The following DISC1 variants were observed in gnomAD, a reference collection of about 807,000 sequenced individuals.
The protein encoded by DISC1 is DISC1 scaffold protein, also known as disrupted in schizophrenia 1 protein.
A neutral mutation model predicts 84.5 loss-of-function variants in DISC1; 57 were observed. That is an observed-to-expected ratio of 0.67 (90% CI 0.55 to 0.84). The LOEUF (loss-of-function observed/expected upper bound fraction) is 0.84. Among genes scored for constraint, DISC1 ranks in the 40% least tolerant of loss-of-function variants. The pLI is 0.00. For synonymous variants in DISC1, 411 were observed against 415.2 expected (o/e 0.99, Z 0.12); for missense variants, 1,000 against 1,057.8 (o/e 0.95, Z 0.76).
At chr1:231,722,233 A>G (rs1202066970) in intron 3 of DISC1, among the ~76,000 whole-genome samples, 1 of 152,114 alleles carries the variant, frequency 6.6e-6, no homozygotes. Context: ...GTTGAGAGAA[A>G]GGAAGAGATT....
At chr1:231,832,840 C>T (rs2082341096) in intron 9 of DISC1, among the ~76,000 whole-genome samples, 1 of 147,974 alleles carries the variant, frequency 6.8e-6, no homozygotes, top group South Asian at 2.2e-4. Context: ...GGTTCTAGGA[C>T]AGGTAAAATG....
chr1:231,694,361 C>T lies in DISC1; in HGVS notation c.603C>T (p.Gly201=), dbSNP rs769613668. 2.2e-5 allele frequency: 36 copies of T among 1,614,130 alleles called. No homozygotes were observed. The highest frequency in any genetic ancestry group is 3.1e-5 in the Non-Finnish European group (36 of 1,180,042). Residue 201 remains glycine, a synonymous_variant, in exon 2 of 13, where the codon GGC becomes GGT. Coordinates refer to ENST00000439617, the MANE Select transcript of DISC1 (RefSeq NM_018662.3). ...CTGAGGTCCCCCCAACCCCTCCTGGCTCTCACAGTGCCTTTACCTCAAGCT... is the reference window on the plus strand; with the variant it reads ...CTGAGGTCCCCCCAACCCCTCCTGGTTCTCACAGTGCCTTTACCTCAAGCT... ...CGPEVPPTPP[G]SHSAFTSSFS... is the part of the protein sequence containing the mutation.
chr1:231,834,580 G>A (rs575254261), intron 9 of DISC1, among the ~76,000 whole-genome samples: 32 of 152,248 alleles, frequency 2.1e-4, no homozygotes, highest in Non-Finnish European at 3.7e-4. Flanking sequence ...GGGGTCAAGC[G>A]GCATCGCAGA....
In DISC1 at chr1:231,949,271, C is replaced by T. The variant is rs79866246; in HGVS notation, c.1982-9557C>T. ...TGTGTGTGTCTTACTAGCCGGGGCA[C>T]GTTGTCTTAGCATCTTTGGCCTCTA... is the stretch of plus-strand genomic sequence containing the variant. On this transcript the variant is annotated intron_variant, in intron 9 of 12. Transcript: ENST00000439617. Among the ~76,000 whole-genome samples, 414 of 152,232 alleles carry T rather than the reference C, an allele frequency of 2.7e-3. 2 individuals are homozygous for T. Among genetic ancestry groups the T allele is most frequent in the African/African-American group, 9.3e-3 (387 of 41,540 alleles).
chr1:231,922,261 G>C (rs1252699137), intron 9 of DISC1, among the ~76,000 whole-genome samples: 1 of 152,204 alleles, frequency 6.6e-6, no homozygotes, highest in East Asian at 1.9e-4. Flanking sequence ...GCATCTGACA[G>C]ACATGCACCT....
chr1:231,916,916 C>G (rs1028645561), intron 9 of DISC1, among the ~76,000 whole-genome samples: 3 of 152,076 alleles, frequency 2.0e-5, no homozygotes, highest in African/African-American at 7.2e-5. Flanking sequence ...GGATCTTGTC[C>G]CTTGAGCTCC....
At chr1:231,790,807 C>T (rs1226607049) in intron 6 of DISC1, among the ~76,000 whole-genome samples, 2 of 152,116 alleles carry the variant, frequency 1.3e-5, no homozygotes, top group African/African-American at 2.4e-5. Flanking sequence ...CGTGAGCCAC[C>T]GCGCCTGGCC....
intron 10 of DISC1, among the ~76,000 whole-genome samples, chr1:231,962,602 ATTTC>A (rs1444242070): frequency 6.6e-6 from 1 of 152,188 alleles, no homozygotes; most frequent in African/African-American, 2.4e-5. Context: ...AAAGCTGAGA[ATTTC>A]TTTATGGTCA....
intron 1 of DISC1, among the ~76,000 whole-genome samples, chr1:231,641,527 G>A (rs2059671941): frequency 6.6e-6 from 1 of 152,192 alleles, no homozygotes; most frequent in African/African-American, 2.4e-5. Flanking sequence ...GCAGCAGCAA[G>A]GTTTGTTGCA....
intron 9 of DISC1, among the ~76,000 whole-genome samples, chr1:231,942,609 G>A (rs1409606633): frequency 1.3e-5 from 2 of 152,088 alleles, no homozygotes; most frequent in Admixed American, 6.6e-5. Context: ...AGGTTGCAGC[G>A]AGCCGAGATT....
intron 9 of DISC1, among the ~76,000 whole-genome samples, chr1:231,886,772 T>G (rs1246184139): frequency 3.8e-5 from 2 of 52,700 alleles, no homozygotes; most frequent in African/African-American, 1.4e-4. Context: ...CCTTCCTTTC[T>G]TTCTTTCTTT....
chr1:231,894,507 T>C (rs541754944), intron 9 of DISC1, among the ~76,000 whole-genome samples: 1 of 152,024 alleles, frequency 6.6e-6, no homozygotes, highest in Non-Finnish European at 1.5e-5. Flanking sequence ...CTTTTCCTTC[T>C]TTTTTTTCTA....
chr1:231,759,516 CCCA>C (rs1341662776), intron 4 of DISC1, among the ~76,000 whole-genome samples: 1 of 128,406 alleles, frequency 7.8e-6, no homozygotes, highest in Non-Finnish European at 1.6e-5. Flanking sequence ...TAGTGAGACC[CCCA>C]TCTCTACAAA....
chr1:231,842,867 G>A (rs924484839), intron 9 of DISC1, among the ~76,000 whole-genome samples: 3 of 152,174 alleles, frequency 2.0e-5, no homozygotes, highest in Admixed American at 6.5e-5. Flanking sequence ...TTGGATACAG[G>A]GTTTGAAGGA....
chr1:231,817,030 T>C (rs1011917187), intron 8 of DISC1, among the ~76,000 whole-genome samples: 4 of 151,984 alleles, frequency 2.6e-5, no homozygotes, highest in African/African-American at 9.7e-5. Context: ...GTGTAGTGCC[T>C]GTTCAAAAGT....
At chr1:231,782,552 C>T (rs946862922) in intron 6 of DISC1, among the ~76,000 whole-genome samples, 25 of 152,078 alleles carry the variant, frequency 1.6e-4, no homozygotes, top group African/African-American at 6.0e-4. Context: ...GCAGAAAGTA[C>T]AACGTTTTTG....
rs542010946 is a variant in DISC1 at position 231,694,292 on chromosome 1, A to G, written c.534A>G (p.Pro178=). The G allele has an allele frequency of 3.1e-6, 5 of 1,614,266 alleles. No homozygotes were observed. The highest frequency in any genetic ancestry group is 4.2e-6 in the Non-Finnish European group (5 of 1,180,050). Residue 178 remains proline, a synonymous_variant, in exon 2 of 13, where the codon CCA becomes CCG. Coordinates refer to ENST00000439617, the MANE Select transcript of DISC1 (RefSeq NM_018662.3). The stretch of plus-strand genomic sequence containing the variant: ...GTGTCCGGGCAGCAGGCTCTCTGCC[A>G]TCAGCAGAGTTGAGTAGCAACAGCT... ...ARRVRAAGSL[P]SAELSSNSCS... is the part of the protein sequence containing the mutation.
intron 1 of DISC1, among the ~76,000 whole-genome samples, chr1:231,654,576 C>G (rs2125315042): frequency 6.6e-6 from 1 of 152,264 alleles, no homozygotes; most frequent in South Asian, 2.1e-4. Flanking sequence ...TTCCTTCTGT[C>G]TAACTGAAGC....
chr1:231,779,888 C>T (rs2077268848), intron 6 of DISC1, among the ~76,000 whole-genome samples: 3 of 152,098 alleles, frequency 2.0e-5, no homozygotes, highest in Non-Finnish European at 2.9e-5. Context: ...AAATTCCTGT[C>T]TTACCTGTCC....
Sources: gnomAD v4.1 joint callset for allele counts (sites outside exome capture counted in the v4.1 genomes callset) on GRCh38, gnomAD v4.1.1 for gene constraint, MANE v1.5 for transcripts, NCBI Gene and HGNC (gene_info 2026-07-23, HGNC 2026-07-21) for gene names.